OLA1: variants seen among roughly 807,000 people sequenced by gnomAD.
OLA1 encodes Obg like ATPase 1.
Under a neutral mutation model 48.4 loss-of-function variants are expected in OLA1, and 14 were observed. That is an observed-to-expected ratio of 0.29 (90% CI 0.19 to 0.45). The LOEUF (loss-of-function observed/expected upper bound fraction) is 0.45, where lower values mean the gene tolerates loss of function less well. Ranked by LOEUF, OLA1 falls within the 20% of genes least tolerant of loss-of-function variation. The pLI, the probability that OLA1 is intolerant of heterozygous loss-of-function variation, is 1.00. For missense variants in OLA1, 325 were observed against 467.1 expected (o/e 0.70, Z 2.80); for synonymous variants, 127 against 150.4 (o/e 0.84, Z 1.14).
At chr2:174,156,303 G>T (rs977237553) in intron 4 of OLA1, among the ~76,000 whole-genome samples, 1 of 151,956 alleles carries the variant, frequency 6.6e-6, no homozygotes, top group East Asian at 1.9e-4. Flanking sequence ...TAACACACAC[G>T]CACACAAGCA....
At chr2:174,089,999 G>T (rs1685078254) in intron 7 of OLA1, among the ~76,000 whole-genome samples, 2 of 151,630 alleles carry the variant, frequency 1.3e-5, no homozygotes, top group African/African-American at 4.9e-5. Context: ...TTGGAGTCTA[G>T]ATTCAGAATA....
chr2:174,202,013 A>G (rs1014310744), intron 4 of OLA1, among the ~76,000 whole-genome samples: 2 of 152,186 alleles, frequency 1.3e-5, no homozygotes, highest in Non-Finnish European at 2.9e-5. Context: ...TTCAATAAAC[A>G]TATTTTTAAA....
chr2:174,088,825 A>G (rs1007027268), intron 7 of OLA1, among the ~76,000 whole-genome samples: 2 of 151,992 alleles, frequency 1.3e-5, no homozygotes, highest in African/African-American at 2.4e-5. Flanking sequence ...ACAGTGAGCT[A>G]TAAGAGCACA....
At chr2:174,208,450 G>A (rs756930141) in intron 4 of OLA1, among the ~76,000 whole-genome samples, 11 of 151,988 alleles carry the variant, frequency 7.2e-5, no homozygotes, top group African/African-American at 2.4e-4. Context: ...AACATACCAC[G>A]TAGCAATCAT....
intron 5 of OLA1, among the ~76,000 whole-genome samples, chr2:174,132,882 T>G (rs764267336): frequency 2.0e-5 from 3 of 152,208 alleles, no homozygotes; most frequent in African/African-American, 7.2e-5. Context: ...TCTTCTATAT[T>G]CTTTACTAAA....
chr2:174,165,349 G>A (rs1358430802), intron 4 of OLA1, among the ~76,000 whole-genome samples: 1 of 152,152 alleles, frequency 6.6e-6, no homozygotes, highest in Non-Finnish European at 1.5e-5. Context: ...TGACATAAGA[G>A]GTGAAAGAAA....
rs555024070 is a variant in OLA1 at position 174,142,198 on chromosome 2, C to T, written c.374-198G>A. On this transcript the variant is annotated intron_variant, in intron 4 of 10. Coordinates refer to ENST00000284719, the MANE Select transcript of OLA1 (RefSeq NM_013341.5). Reference sequence around the variant, plus strand: ...GGCAATAAAACTATAGTTCAAGAGCCTCCATATTTCAAAAATTGATTTAAA... The same window carrying T: ...GGCAATAAAACTATAGTTCAAGAGCTTCCATATTTCAAAAATTGATTTAAA... 2.0e-5 allele frequency among the ~76,000 whole-genome samples: 3 copies of T among 152,190 alleles called. No homozygotes were observed. The South Asian group carries it at 6.2e-4, about 32-fold the overall frequency.
intron 3 of OLA1, among the ~76,000 whole-genome samples, 177 bp downstream of exon 3, chr2:174,229,131 C>A (rs1001981226): frequency 2.0e-5 from 3 of 152,198 alleles, no homozygotes; most frequent in Non-Finnish European, 4.4e-5. Context: ...TCCTGGGCCT[C>A]CCAAAGTGCT....
chr2:174,101,531 T>G (rs537981219), intron 7 of OLA1, among the ~76,000 whole-genome samples: 1 of 152,298 alleles, frequency 6.6e-6, no homozygotes, highest in African/African-American at 2.4e-5. Context: ...TATTTTTCCT[T>G]TTATGGTTAG....
rs1436999930 is a variant in OLA1 at position 174,179,082 on chromosome 2, AAAGAT to A, written c.374-37087_374-37083del. On this transcript the variant is annotated intron_variant, in intron 4 of 10. Coordinates refer to ENST00000284719, the MANE Select transcript of OLA1 (RefSeq NM_013341.5). ...GCAAATGCGAGTAGAGATTTTAACCAAAGATAATGCTTAAGTTAAAAGGATAATGA... is the reference window on the plus strand; with the variant it reads ...GCAAATGCGAGTAGAGATTTTAACCAAATGCTTAAGTTAAAAGGATAATGA... Among the ~76,000 whole-genome samples, 8 of 152,108 alleles carry A rather than the reference AAAGAT, an allele frequency of 5.3e-5. No individual in the cohort carries two copies. In the East Asian group the frequency reaches 1.5e-3, roughly 29 times the overall value.
chr2:174,223,185 T>C (rs1688544730), intron 3 of OLA1, 25 bp from the exon 4 acceptor site: 2 of 1,608,106 alleles, frequency 1.2e-6, no homozygotes, highest in Middle Eastern at 1.7e-4. Context: ...ATGGCTTTAT[T>C]ATAAAACAGT....
chr2:174,219,013 A>C (rs1437114121), intron 4 of OLA1, among the ~76,000 whole-genome samples: 1 of 84,662 alleles, frequency 1.2e-5, no homozygotes, highest in Non-Finnish European at 2.1e-5. Context: ...TTTTGTAGCA[A>C]TGTGGTCTCC....
chr2:174,182,475 G>C (rs895076577), intron 4 of OLA1, among the ~76,000 whole-genome samples: 7 of 152,020 alleles, frequency 4.6e-5, no homozygotes, highest in African/African-American at 1.7e-4. Flanking sequence ...GTGGTGAGCC[G>C]AGATCGTGCC....
chr2:174,086,089 T>A (rs944089774), intron 7 of OLA1, among the ~76,000 whole-genome samples: 2 of 152,194 alleles, frequency 1.3e-5, no homozygotes, highest in African/African-American at 4.8e-5. Flanking sequence ...TTACTTCTTC[T>A]AGGGAGAGAT....
chr2:174,241,841 G>A (rs1362254500), intron 2 of OLA1, among the ~76,000 whole-genome samples: 1 of 152,158 alleles, frequency 6.6e-6, no homozygotes, highest in Non-Finnish European at 1.5e-5. Context: ...TCACCATGTT[G>A]GCCAGCCTGT....
chr2:174,238,335 A>T (rs1271896534), intron 2 of OLA1, among the ~76,000 whole-genome samples: 1 of 152,020 alleles, frequency 6.6e-6, no homozygotes, highest in African/African-American at 2.4e-5. Context: ...TGGCTCTATT[A>T]AAAATACAAA....
intron 7 of OLA1, among the ~76,000 whole-genome samples, chr2:174,114,558 A>G (rs1469029262): frequency 6.6e-6 from 1 of 152,266 alleles, no homozygotes; most frequent in Admixed American, 6.5e-5. Context: ...CAATGAACAG[A>G]TGCTATTTGA....
intron 7 of OLA1, among the ~76,000 whole-genome samples, chr2:174,106,134 C>A (rs1685510139): frequency 2.0e-5 from 3 of 151,862 alleles, no homozygotes; most frequent in Admixed American, 2.0e-4. Context: ...TTTACACAAA[C>A]AAAATTAATT....
chr2:174,236,979 A>G (rs1574572492), intron 2 of OLA1, among the ~76,000 whole-genome samples: 1 of 152,190 alleles, frequency 6.6e-6, no homozygotes, highest in Non-Finnish European at 1.5e-5. Flanking sequence ...AGGATACACT[A>G]AAATTATTTT....
Sources: gnomAD v4.1 joint callset for allele counts (sites outside exome capture counted in the v4.1 genomes callset) on GRCh38, gnomAD v4.1.1 for gene constraint, MANE v1.5 for transcripts, NCBI Gene and HGNC (gene_info 2026-07-23, HGNC 2026-07-21) for gene names.